Variants in EMSY observed in about 807,000 individuals in gnomAD.
EMSY encodes the protein BRCA2-interacting transcriptional repressor EMSY.
In EMSY, 26 loss-of-function variants were observed where a neutral mutation model predicts 134.6. The observed-to-expected ratio is 0.19, with a 90% CI of 0.14 to 0.27. The LOEUF (loss-of-function observed/expected upper bound fraction) is 0.27, where lower values mean the gene tolerates loss of function less well. Ranked by LOEUF, EMSY falls within the 10% of genes least tolerant of loss-of-function variation. The probability of loss-of-function intolerance (pLI) is 1.00; values close to 1 mark genes in which losing one functional copy is unlikely to be tolerated. For synonymous variants in EMSY, 579 were observed against 577.8 expected (o/e 1.00, Z -0.03); for missense variants, 1,305 against 1,611.4 (o/e 0.81, Z 3.26).
chr11:76,490,158 T>C (rs1424537281), intron 8 of EMSY, among the ~76,000 whole-genome samples: 7 of 152,064 alleles, frequency 4.6e-5, no homozygotes, highest in Non-Finnish European at 1.0e-4. Flanking sequence ...TTTTCCAGTC[T>C]TCTTTTATTT....
intron 11 of EMSY, among the ~76,000 whole-genome samples, chr11:76,519,250 A>T (rs1171418938): frequency 1.3e-5 from 2 of 152,008 alleles, no homozygotes; most frequent in African/African-American, 4.8e-5. Flanking sequence ...TTTTTAGTAG[A>T]GACAGGGTTT....
At chr11:76,529,052 C>T (rs1274382702) in intron 14 of EMSY, among the ~76,000 whole-genome samples, 2 of 152,128 alleles carry the variant, frequency 1.3e-5, no homozygotes, top group Non-Finnish European at 2.9e-5. Context: ...AAGCTAGATT[C>T]TACAGCAGAA....
At chr11:76,451,299 A>G (rs1169659459) in intron 2 of EMSY, among the ~76,000 whole-genome samples, 1 of 152,194 alleles carries the variant, frequency 6.6e-6, no homozygotes, top group Non-Finnish European at 1.5e-5. Context: ...CTAGGTAAGG[A>G]AACAGGTTTA....
At chr11:76,465,363 C>T (rs1406253427) in intron 7 of EMSY, among the ~76,000 whole-genome samples, 1 of 152,192 alleles carries the variant, frequency 6.6e-6, no homozygotes, top group Non-Finnish European at 1.5e-5. Context: ...AAACTAAACT[C>T]TCTACCCGAG....
At chr11:76,545,694 G>C in intron 19 of EMSY, 103 bp from the exon 21 acceptor site, 2 of 1,351,664 alleles carry the variant, frequency 1.5e-6, no homozygotes, top group East Asian at 2.3e-5. Context: ...TGTCTTCCTA[G>C]TATAGCGCAC....
rs1292722354 is a variant in EMSY, at chr11:76,464,093, G to A, written c.831+13G>A. The A allele has an allele frequency of 3.0e-5, 49 of 1,613,530 alleles. No homozygotes were observed. The highest frequency in any genetic ancestry group is 4.1e-5 in the Non-Finnish European group (48 of 1,179,720). ...AACAACACAGAAGGTATGTGGTGGAGGGAGTCTCTGCCTGCCAATTGTTTC... is the reference window on the plus strand; with the variant it reads ...AACAACACAGAAGGTATGTGGTGGAAGGAGTCTCTGCCTGCCAATTGTTTC... On this transcript the variant is annotated intron_variant, in intron 7 of 20. Transcript: ENST00000334736.
intron 9 of EMSY, among the ~76,000 whole-genome samples, chr11:76,503,321 A>AAAAGAAG (rs1949950779): frequency 6.7e-6 from 1 of 148,560 alleles, no homozygotes; most frequent in Non-Finnish European, 1.5e-5. Context: ...AAAAAAAAAA[A>AAAAGAAG]AAGAAGAAGA....
intron 9 of EMSY, among the ~76,000 whole-genome samples, chr11:76,506,734 T>C (rs1300461566): frequency 4.6e-5 from 7 of 152,150 alleles, no homozygotes; most frequent in Admixed American, 4.6e-4. Flanking sequence ...GGGGGCACTG[T>C]GAGGAAGCTG....
At chr11:76,514,553 A>C (rs1243562340) in intron 10 of EMSY, among the ~76,000 whole-genome samples, 1 of 152,120 alleles carries the variant, frequency 6.6e-6, no homozygotes, top group Admixed American at 6.6e-5. Context: ...AACCAGTTTG[A>C]CTCCAAAACC....
At chr11:76,471,679 T>G (rs1036556476) in intron 7 of EMSY, among the ~76,000 whole-genome samples, 1 of 152,078 alleles carries the variant, frequency 6.6e-6, no homozygotes, top group Non-Finnish European at 1.5e-5. Flanking sequence ...TGATTATGGG[T>G]TTTTGGACAG....
intron 8 of EMSY, 93 bp downstream of exon 9, chr11:76,472,933 A>G: frequency 7.3e-7 from 1 of 1,368,764 alleles, no homozygotes; most frequent in Non-Finnish European, 1.0e-6. Context: ...TTGGATATGA[A>G]GGTCCCTACT....
intron 7 of EMSY, 66 bp downstream of exon 8, chr11:76,464,146 A>G: frequency 1.3e-6 from 2 of 1,571,028 alleles, no homozygotes; most frequent in Non-Finnish European, 1.7e-6. Flanking sequence ...CAGATTTAAT[A>G]AACATGCACT....
chr11:76,463,380 T>C (rs1161164596), intron 6 of EMSY, among the ~76,000 whole-genome samples: 1 of 151,102 alleles, frequency 6.6e-6, no homozygotes, highest in African/African-American at 2.4e-5. Flanking sequence ...TCCCAGCACT[T>C]TGGGAGGCCG....
exon 5 of EMSY, chr11:76,458,252 G>A (rs1251840297): frequency 6.2e-7 from 1 of 1,614,078 alleles, no homozygotes; most frequent in Non-Finnish European, 8.5e-7. Context: ...TGATGCCCCG[G>A]CTCGTTCCCC....
intron 2 of EMSY, among the ~76,000 whole-genome samples, chr11:76,449,144 T>C (rs1947547957): frequency 6.6e-6 from 1 of 152,216 alleles, no homozygotes; most frequent in African/African-American, 2.4e-5. Flanking sequence ...TGTTATTTTA[T>C]TCTACTTTTG....
At chr11:76,464,118 C>G in intron 7 of EMSY, 38 bp downstream of exon 8, 2 of 1,610,322 alleles carry the variant, frequency 1.2e-6, no homozygotes, top group Non-Finnish European at 1.7e-6. Context: ...CCAATTGTTT[C>G]TTTCAGACAG....
chr11:76,517,710 T>C (rs919809146), intron 11 of EMSY, among the ~76,000 whole-genome samples: 11 of 152,222 alleles, frequency 7.2e-5, no homozygotes, highest in African/African-American at 2.7e-4. Flanking sequence ...TATACATGTA[T>C]AATGTGTTAT....
intron 7 of EMSY, among the ~76,000 whole-genome samples, chr11:76,472,101 A>G (rs1316908936): frequency 1.3e-5 from 2 of 152,070 alleles, no homozygotes; most frequent in African/African-American, 4.8e-5. Flanking sequence ...ATATACTTAC[A>G]TTTCTGTTTA....
chr11:76,490,003 C>T (rs2135676038), intron 8 of EMSY, among the ~76,000 whole-genome samples: 1 of 152,240 alleles, frequency 6.6e-6, no homozygotes, highest in East Asian at 1.9e-4. Flanking sequence ...TAGGTCTTTT[C>T]TCTCAGTCTG....
Sources: allele counts gnomAD v4.1 joint callset (sites outside exome capture counted in the v4.1 genomes callset), GRCh38; gene constraint gnomAD v4.1.1; transcripts MANE v1.5; gene names NCBI Gene and HGNC (gene_info 2026-07-23, HGNC 2026-07-21).